Variants in CNOT4 observed in about 807,000 individuals in gnomAD.
CNOT4 encodes the protein CCR4-associated factor 4.
In CNOT4, 8 loss-of-function variants were observed where a neutral mutation model predicts 73.8. That is an observed-to-expected ratio of 0.11 (90% CI 0.06 to 0.20). The LOEUF (loss-of-function observed/expected upper bound fraction) is 0.20, where lower values mean the gene tolerates loss of function less well. Among genes scored for constraint, CNOT4 ranks in the 10% least tolerant of loss-of-function variants. The pLI, the probability that CNOT4 is intolerant of heterozygous loss-of-function variation, is 1.00. For missense variants in CNOT4, 564 were observed against 883.4 expected (o/e 0.64, Z 4.58); for synonymous variants, 293 against 321.1 (o/e 0.91, Z 0.94).
At chr7:135,443,375 T>G (rs1799612448) in intron 1 of CNOT4, among the ~76,000 whole-genome samples, 1 of 151,672 alleles carries the variant, frequency 6.6e-6, no homozygotes, top group African/African-American at 2.4e-5. Flanking sequence ...AAAAGCCTTT[T>G]CATATACATG....
chr7:135,487,845 A>T (rs1390194325), intron 1 of CNOT4, among the ~76,000 whole-genome samples: 1 of 152,178 alleles, frequency 6.6e-6, no homozygotes, highest in Non-Finnish European at 1.5e-5. Context: ...CGAGGTCAGG[A>T]GATCGAGACC....
chr7:135,416,717 T>C (rs1027454653), intron 3 of CNOT4, among the ~76,000 whole-genome samples: 3 of 152,136 alleles, frequency 2.0e-5, no homozygotes, highest in South Asian at 4.1e-4. Context: ...ATCAGCATCA[T>C]AGGTTTAAGG....
chr7:135,398,590 CA>C, intron 7 of CNOT4, among the ~76,000 whole-genome samples: 1 of 151,858 alleles, frequency 6.6e-6, no homozygotes, highest in African/African-American at 2.4e-5. Context: ...ATCTGAAATC[CA>C]AAACACTTCT....
intron 2 of CNOT4, among the ~76,000 whole-genome samples, chr7:135,423,249 A>C (rs1311465225): frequency 6.6e-6 from 1 of 152,060 alleles, no homozygotes; most frequent in East Asian, 1.9e-4. Context: ...ATTAAATGCC[A>C]TAATATTTTA....
At chr7:135,422,617 C>T (rs1380006643) in intron 2 of CNOT4, among the ~76,000 whole-genome samples, 1 of 152,060 alleles carries the variant, frequency 6.6e-6, no homozygotes, top group African/African-American at 2.4e-5. Flanking sequence ...CAACAACAAA[C>T]CAATCTTGAT....
chr7:135,440,221 T>TAAAAAAAAAAAAAAAAAGAA (rs71174523), intron 1 of CNOT4, among the ~76,000 whole-genome samples: 1 of 107,478 alleles, frequency 9.3e-6, no homozygotes, highest in Non-Finnish European at 1.9e-5. Flanking sequence ...ACAGACAAGT[T>TAAAAAAAAAAAAAAAAAGAA]AAAAAAAAAA....
At chr7:135,376,872 T>C (rs555137199) in intron 10 of CNOT4, among the ~76,000 whole-genome samples, 1 of 152,238 alleles carries the variant, frequency 6.6e-6, no homozygotes, top group African/African-American at 2.4e-5. Flanking sequence ...AATCTGGTTA[T>C]GAGCTTCATT....
chr7:135,388,122 G>A, intron 10 of CNOT4: 1 of 984,620 alleles, frequency 1.0e-6, no homozygotes, highest in Non-Finnish European at 1.2e-6. Flanking sequence ...CATTAGAAAA[G>A]AGATTATATT....
chr7:135,481,590 A>G (rs561406419), intron 1 of CNOT4, among the ~76,000 whole-genome samples: 1 of 152,336 alleles, frequency 6.6e-6, no homozygotes, highest in South Asian at 2.1e-4. Flanking sequence ...CAATCCCACC[A>G]CTGTATTTAT....
At chr7:135,431,610 G>A (rs969460288) in intron 2 of CNOT4, among the ~76,000 whole-genome samples, 1 of 151,950 alleles carries the variant, frequency 6.6e-6, no homozygotes, top group Non-Finnish European at 1.5e-5. Context: ...AGGTGTGGTG[G>A]CACACGCCTG....
rs1277389111 is a variant in CNOT4 at position 135,364,046 on chromosome 7, T to C, written c.1648A>G (p.Ser550Gly). 6.3e-7 allele frequency: 1 copy of C among 1,596,200 alleles called. No individual in the cohort carries two copies. The highest frequency in any genetic ancestry group is 1.3e-5 in the African/African-American group (1 of 74,710). ...PVADNSSSVE[S>G]LNMKEWQDGL... ...TCCTGCCATTCCTTCATATTTAAAC[T>C]CTCTACAGAACTGCTGTTGTCTGGG... The change falls in exon 11 of 12, where the codon AGT (serine) becomes GGT (glycine). Residue 550 changes from serine (S) to glycine (G), a missense_variant. Ser to Gly is a moderately conservative substitution (Grantham distance 56, BLOSUM62 0). Transcript: ENST00000541284. The surrounding 1 kb of genome is among the most constrained non-coding windows in gnomAD (Gnocchi z 4.3).
intron 1 of CNOT4, among the ~76,000 whole-genome samples, chr7:135,471,016 C>G (rs1191746056): frequency 3.3e-5 from 5 of 152,202 alleles, no homozygotes; most frequent in Admixed American, 3.3e-4. Context: ...TGAACAAAAT[C>G]TCGACTTAAT....
At chr7:135,505,327 G>A (rs1804293084) in intron 1 of CNOT4, among the ~76,000 whole-genome samples, 2 of 152,098 alleles carry the variant, frequency 1.3e-5, no homozygotes. Context: ...GGCTAAGGCG[G>A]GCAGATCACG....
intron 1 of CNOT4, among the ~76,000 whole-genome samples, chr7:135,479,995 T>C (rs1419331350): frequency 6.6e-6 from 1 of 152,138 alleles, no homozygotes; most frequent in East Asian, 1.9e-4. Context: ...ATAAGAAACA[T>C]TAAAAGTACA....
intron 10 of CNOT4, among the ~76,000 whole-genome samples, chr7:135,381,830 T>C (rs1795863681): frequency 6.6e-6 from 1 of 151,810 alleles, no homozygotes; most frequent in African/African-American, 2.4e-5. Flanking sequence ...CATTAAAGGC[T>C]TTATAAATTA....
intron 2 of CNOT4, among the ~76,000 whole-genome samples, chr7:135,426,335 G>A (rs1329589008): frequency 6.6e-6 from 1 of 152,196 alleles, no homozygotes; most frequent in African/African-American, 2.4e-5. Flanking sequence ...GGGCACGGTG[G>A]CTCACGCCTG....
At chr7:135,439,250 A>G (rs1255832120) in intron 1 of CNOT4, among the ~76,000 whole-genome samples, 1 of 152,204 alleles carries the variant, frequency 6.6e-6, no homozygotes, top group Non-Finnish European at 1.5e-5. Context: ...CTATAATTCT[A>G]TAGTAATCCC....
At chr7:135,443,887 A>G (rs1036373655) in intron 1 of CNOT4, among the ~76,000 whole-genome samples, 1 of 152,220 alleles carries the variant, frequency 6.6e-6, no homozygotes, top group Middle Eastern at 3.4e-3. Context: ...AATGGCTCAC[A>G]CTCACAGTCC....
intron 9 of CNOT4, among the ~76,000 whole-genome samples, chr7:135,394,863 T>A (rs1323115269): frequency 1.3e-5 from 2 of 152,204 alleles, no homozygotes; most frequent in Non-Finnish European, 2.9e-5. Context: ...TTTATATTAA[T>A]CCTCATAGTT....
Sources: allele counts gnomAD v4.1 joint callset (sites outside exome capture counted in the v4.1 genomes callset), GRCh38; gene constraint gnomAD v4.1.1; non-coding constraint Gnocchi (gnomAD v3.1); transcripts MANE v1.5; gene names NCBI Gene and HGNC (gene_info 2026-07-23, HGNC 2026-07-21).